PARD3B: variants seen among roughly 807,000 people sequenced by gnomAD.
PARD3B encodes partitioning defective 3 homolog B.
In PARD3B, 103 loss-of-function variants were observed where a neutral mutation model predicts 130.2. The ratio of observed to expected loss-of-function variants is 0.79; its 90% CI spans 0.67 to 0.93. PARD3B has a LOEUF of 0.93. Ranked by LOEUF, PARD3B falls within the 40% of genes least tolerant of loss-of-function variation. The pLI, the probability that PARD3B is intolerant of heterozygous loss-of-function variation, is 0.00. For synonymous variants in PARD3B, 583 were observed against 553.2 expected (o/e 1.05, Z -0.76); for missense variants, 1,609 against 1,499.2 (o/e 1.07, Z -1.21).
chr2:205,503,257 G>A (rs2050225244), intron 21 of PARD3B, among the ~76,000 whole-genome samples: 1 of 152,170 alleles, frequency 6.6e-6, no homozygotes, highest in African/African-American at 2.4e-5. Context: ...AAATGCTGTA[G>A]TATAGAGAGG....
intron 3 of PARD3B, among the ~76,000 whole-genome samples, chr2:205,012,628 A>G (rs1695807648): frequency 1.3e-5 from 2 of 152,234 alleles, no homozygotes; most frequent in African/African-American, 4.8e-5. Context: ...ACTGTTGCTT[A>G]AAAGTACCAC....
At chr2:205,437,459 C>T (rs1000838567) in intron 19 of PARD3B, among the ~76,000 whole-genome samples, 3 of 152,238 alleles carry the variant, frequency 2.0e-5, no homozygotes, top group East Asian at 3.9e-4. Flanking sequence ...TCCAATAGAA[C>T]GCTCTGCAAT....
intron 1 of PARD3B, among the ~76,000 whole-genome samples, chr2:204,552,854 T>C (rs2125044352): frequency 6.6e-6 from 1 of 152,316 alleles, no homozygotes; most frequent in Admixed American, 6.5e-5. Flanking sequence ...GTTCCAATGG[T>C]CTATGGGCCT....
intron 2 of PARD3B, among the ~76,000 whole-genome samples, chr2:204,758,710 A>G (rs2040777704): frequency 6.6e-6 from 1 of 152,172 alleles, no homozygotes; most frequent in Non-Finnish European, 1.5e-5. Flanking sequence ...GAGGACAGCC[A>G]TATATTTTCT....
chr2:204,715,063 T>C (rs149086607), intron 2 of PARD3B, among the ~76,000 whole-genome samples: 123 of 152,326 alleles, frequency 8.1e-4, no homozygotes, highest in Middle Eastern at 3.4e-3. Flanking sequence ...GAAGTGAATA[T>C]AGAGTATACT....
chr2:205,322,889 CTTTTTTTTTTTTTTTTTTTTTTTTTTTTT>C lies in PARD3B; in HGVS notation c.2630+21202_2630+21230del, dbSNP rs71032461. On this transcript the variant is annotated intron_variant, in intron 18 of 22. Transcript: ENST00000406610. ...TGTTGTTATATCATTATTAACACCT[CTTTTTTTTTTTTTTTTTTTTTTTTTTTTT>C]TTTTTTTTTTTTTGATGGAGTCTTG... 9.7e-5 allele frequency among the ~76,000 whole-genome samples: 5 copies of C among 51,468 alleles called. No homozygotes were observed. In the East Asian group the frequency reaches 3.4e-3, roughly 35 times the overall value. 33.8% of individuals were successfully genotyped at this position (51,468 alleles called of 152,430 possible). A position where few individuals can be genotyped will look rare whatever the true frequency, so the allele number is the denominator to read the frequency against.
intron 10 of PARD3B, among the ~76,000 whole-genome samples, chr2:205,156,255 A>C (rs866709905): frequency 8.8e-3 from 455 of 51,530 alleles, no homozygotes; most frequent in Middle Eastern, 0.017. Context: ...CACTCTGGGG[A>C]CTGTTGTGGG....
rs557645026 is a variant in PARD3B at position 205,589,714 on chromosome 2, T to G, written c.3261-25742T>G. ...CTAGAGGACTCGAGTTAGGGATGAT[T>G]CACTTTCTCAGAAGTAGACTAACAT... is the stretch of plus-strand genomic sequence containing the variant. On this transcript the variant is annotated intron_variant, in intron 22 of 22. Coordinates refer to ENST00000406610, the MANE Select transcript of PARD3B (RefSeq NM_001302769.2). The surrounding 1 kb of genome is among the most constrained non-coding windows in gnomAD (Gnocchi z 4.1). Among the ~76,000 whole-genome samples, 1 of 152,336 alleles carries G rather than the reference T, an allele frequency of 6.6e-6. No individual in the cohort carries two copies. The highest frequency in any genetic ancestry group is 1.9e-4 in the East Asian group (1 of 5,186).
chr2:205,448,378 G>A (rs2047980358), intron 20 of PARD3B, among the ~76,000 whole-genome samples: 1 of 152,010 alleles, frequency 6.6e-6, no homozygotes, highest in Admixed American at 6.6e-5. Flanking sequence ...GTCATTATTA[G>A]CTTATATTGC....
intron 2 of PARD3B, among the ~76,000 whole-genome samples, chr2:204,820,565 A>G (rs2043311987): frequency 6.6e-6 from 1 of 150,946 alleles, no homozygotes; most frequent in South Asian, 2.2e-4. Context: ...CTGTAATCCC[A>G]GCACTTTGGG....
intron 3 of PARD3B, 107 bp downstream of exon 3, chr2:204,965,430 T>A: frequency 8.5e-7 from 1 of 1,182,316 alleles, no homozygotes; most frequent in Admixed American, 2.9e-5. Flanking sequence ...ATATTTTATA[T>A]CGTGGTTTAT....
At chr2:205,540,915 G>A (rs1559195846) in intron 21 of PARD3B, among the ~76,000 whole-genome samples, 1 of 152,254 alleles carries the variant, frequency 6.6e-6, no homozygotes, top group East Asian at 1.9e-4. Flanking sequence ...AGATAATTTG[G>A]AAGGAAATTA....
intron 2 of PARD3B, among the ~76,000 whole-genome samples, chr2:204,914,980 A>C (rs1247051725): frequency 6.6e-6 from 1 of 152,138 alleles, no homozygotes; most frequent in Non-Finnish European, 1.5e-5. Flanking sequence ...ATGCTTAACC[A>C]GAGAGATTCC....
chr2:205,039,824 C>A (rs879747018), intron 3 of PARD3B, among the ~76,000 whole-genome samples: 1 of 152,200 alleles, frequency 6.6e-6, no homozygotes, highest in Non-Finnish European at 1.5e-5. Context: ...GTGTTATTCC[C>A]CTTACTTCTA....
chr2:205,148,681 A>G (rs1174362292), intron 10 of PARD3B, among the ~76,000 whole-genome samples: 1 of 152,198 alleles, frequency 6.6e-6, no homozygotes, highest in Non-Finnish European at 1.5e-5. Context: ...ATATCCTGGC[A>G]GAATTGCCAG....
chr2:204,958,889 G>A (rs1174508585), intron 2 of PARD3B, among the ~76,000 whole-genome samples: 1 of 152,174 alleles, frequency 6.6e-6, no homozygotes, highest in Non-Finnish European at 1.5e-5. Flanking sequence ...TGAAATTGCA[G>A]AGTACATGGC....
intron 2 of PARD3B, among the ~76,000 whole-genome samples, chr2:204,792,512 C>G (rs2042233553): frequency 6.6e-6 from 1 of 151,556 alleles, no homozygotes; most frequent in Non-Finnish European, 1.5e-5. Context: ...GAAAACCAGA[C>G]AAATTCCTGA....
rs539628859 is a variant in PARD3B, at chr2:205,529,455, C to G, written c.3181-23869C>G. ...ATTTCACTCATTTTTTTTCTGTACTCTGTGTTCTTCTGTAGGAATCACTAG... is the reference window on the plus strand; with the variant it reads ...ATTTCACTCATTTTTTTTCTGTACTGTGTGTTCTTCTGTAGGAATCACTAG... On this transcript the variant is annotated intron_variant, in intron 21 of 22. Coordinates refer to ENST00000406610, the MANE Select transcript of PARD3B (RefSeq NM_001302769.2). 3.0e-4 allele frequency among the ~76,000 whole-genome samples: 46 copies of G among 152,212 alleles called. No homozygotes were observed. The South Asian group carries it at 9.6e-3, about 32-fold the overall frequency.
In PARD3B at chr2:205,288,687, C is replaced by T. The variant is rs184319645; in HGVS notation, c.2186-11843C>T. On this transcript the variant is annotated intron_variant, in intron 16 of 22. Coordinates refer to ENST00000406610, the MANE Select transcript of PARD3B (RefSeq NM_001302769.2). The surrounding 1 kb of genome is among the most constrained non-coding windows in gnomAD (Gnocchi z 4.0). Reference sequence around the variant, plus strand: ...TTTGTTACTAGTCACTCCATCCTCCCGGTGTCCCCACCCCCCAGGAGACGT... The same window carrying T: ...TTTGTTACTAGTCACTCCATCCTCCTGGTGTCCCCACCCCCCAGGAGACGT... Among the ~76,000 whole-genome samples, 26 of 152,280 alleles carry T rather than the reference C, an allele frequency of 1.7e-4. No individual in the cohort carries two copies. The highest frequency in any genetic ancestry group is 4.8e-5 in the African/African-American group (2 of 41,552).
Sources: allele counts gnomAD v4.1 joint callset (sites outside exome capture counted in the v4.1 genomes callset), GRCh38; gene constraint gnomAD v4.1.1; non-coding constraint Gnocchi (gnomAD v3.1); transcripts MANE v1.5; gene names NCBI Gene and HGNC (gene_info 2026-07-23, HGNC 2026-07-21).